Variants in SCMH1 observed in about 807,000 individuals in gnomAD.
SCMH1 encodes Scm polycomb group protein homolog 1, also known as polycomb protein SCMH1.
Under a neutral mutation model 70.8 loss-of-function variants are expected in SCMH1, and 37 were observed. The observed-to-expected ratio is 0.52, with a 90% confidence interval of 0.40 to 0.69. SCMH1 has a LOEUF of 0.69. Among genes scored for constraint, SCMH1 ranks in the 30% least tolerant of loss-of-function variants. SCMH1 has a pLI of 0.00. For missense variants in SCMH1, 607 were observed against 827.3 expected, an observed-to-expected ratio of 0.73 and a Z score of 3.27; for synonymous variants, 292 against 307.4, an observed-to-expected ratio of 0.95 and a Z score of 0.52.
chr1:41,056,500 T>TA (rs1650363957), intron 10 of SCMH1, among the ~76,000 whole-genome samples: 1 of 152,106 alleles, frequency 6.6e-6, no homozygotes, highest in Non-Finnish European at 1.5e-5. Context: ...TGGAGGTTAT[T>TA]AAAAAAATTC....
chr1:41,058,317 C>G (rs758182697), intron 10 of SCMH1, among the ~76,000 whole-genome samples: 2 of 147,196 alleles, frequency 1.4e-5, no homozygotes, highest in Non-Finnish European at 3.0e-5. Context: ...GAGCCACAGA[C>G]ACATCTGTGA....
At chr1:41,125,746 A>G (rs1673037136) in intron 6 of SCMH1, among the ~76,000 whole-genome samples, 1 of 144,664 alleles carries the variant, frequency 6.9e-6, no homozygotes, top group Non-Finnish European at 1.5e-5. Flanking sequence ...GCTCATTTTT[A>G]ATGTTTTCCA....
chr1:41,200,076 A>G (rs1653947355), intron 1 of SCMH1, among the ~76,000 whole-genome samples: 2 of 152,218 alleles, frequency 1.3e-5, no homozygotes, highest in Admixed American at 6.5e-5. Flanking sequence ...GCAAGGAAGG[A>G]ACTAATTGGC....
intron 1 of SCMH1, among the ~76,000 whole-genome samples, chr1:41,225,437 A>G (rs1016538336): frequency 1.3e-5 from 2 of 152,188 alleles, no homozygotes; most frequent in African/African-American, 4.8e-5. Context: ...ATCAACATTT[A>G]TTGAGTATGT....
intron 6 of SCMH1, among the ~76,000 whole-genome samples, chr1:41,136,306 T>C (rs1643306134): frequency 6.6e-6 from 1 of 152,130 alleles, no homozygotes; most frequent in Non-Finnish European, 1.5e-5. Context: ...ACAAATAGTA[T>C]TTCCTACTTC....
intron 6 of SCMH1, among the ~76,000 whole-genome samples, chr1:41,139,523 G>A (rs1289235507): frequency 6.6e-6 from 1 of 152,138 alleles, no homozygotes; most frequent in African/African-American, 2.4e-5. Flanking sequence ...TGGTCACTAT[G>A]TTCCCTGAGA....
At chr1:41,163,088 G>A (rs1646170465) in intron 2 of SCMH1, 1 of 152,268 alleles carries the variant, frequency 6.6e-6, no homozygotes, top group Admixed American at 6.5e-5. Context: ...GGAGCTTCCG[G>A]AGTCAGGGCT....
intron 4 of SCMH1, chr1:41,159,675 A>C: frequency 2.7e-6 from 4 of 1,501,266 alleles, no homozygotes; most frequent in Non-Finnish European, 3.6e-6. Context: ...GGAAAGTTTT[A>C]AAGAATAATA....
intron 1 of SCMH1, among the ~76,000 whole-genome samples, chr1:41,191,985 G>A (rs1651825841): frequency 6.6e-6 from 1 of 152,142 alleles, no homozygotes; most frequent in African/African-American, 2.4e-5. Context: ...GGATATACCA[G>A]CTCTTCAAGT....
chr1:41,198,650 A>G (rs1653599777), intron 1 of SCMH1, among the ~76,000 whole-genome samples: 1 of 152,210 alleles, frequency 6.6e-6, no homozygotes, highest in Non-Finnish European at 1.5e-5. Context: ...ACCCAAGGAA[A>G]AACTGTAAGG....
At chr1:41,230,359 GAGAAA>G (rs1274791888) in intron 1 of SCMH1, among the ~76,000 whole-genome samples, 1 of 152,106 alleles carries the variant, frequency 6.6e-6, no homozygotes, top group Non-Finnish European at 1.5e-5. Context: ...ACTAAAAATG[GAGAAA>G]AGATAATTTA....
chr1:41,066,685 T>C (rs1654708452), intron 10 of SCMH1, among the ~76,000 whole-genome samples: 1 of 152,112 alleles, frequency 6.6e-6, no homozygotes, highest in Admixed American at 6.5e-5. Flanking sequence ...TGGAATCAAG[T>C]GATCCTCCCA....
At chr1:41,136,773 CTTTTTTTTTT>C (rs67410901) in intron 6 of SCMH1, among the ~76,000 whole-genome samples, 1 of 108,452 alleles carries the variant, frequency 9.2e-6, no homozygotes, top group Non-Finnish European at 1.9e-5. Context: ...AAGGACAGTA[CTTTTTTTTTT>C]TTTTTTTTTT....
intron 8 of SCMH1, among the ~76,000 whole-genome samples, chr1:41,078,588 C>A (rs975086623): frequency 7.9e-5 from 12 of 152,104 alleles, no homozygotes; most frequent in African/African-American, 2.7e-4. Flanking sequence ...AGAGTGATAG[C>A]AGGCTCTTTA....
At chr1:41,089,215 C>A (rs994418905) in intron 8 of SCMH1, among the ~76,000 whole-genome samples, 5 of 152,176 alleles carry the variant, frequency 3.3e-5, no homozygotes, top group African/African-American at 1.2e-4. Flanking sequence ...TTCCCTTAAA[C>A]TTCTTGTTTT....
At chr1:41,146,994 T>A (rs1261385822) in intron 5 of SCMH1, among the ~76,000 whole-genome samples, 2 of 152,152 alleles carry the variant, frequency 1.3e-5, no homozygotes, top group Non-Finnish European at 2.9e-5. Flanking sequence ...CCCAAAGTAG[T>A]TGAACCATTC....
chr1:41,090,967 A>T (rs1335595253), intron 8 of SCMH1, among the ~76,000 whole-genome samples: 2 of 150,348 alleles, frequency 1.3e-5, no homozygotes, highest in Non-Finnish European at 2.9e-5. Flanking sequence ...TGAACCTGGG[A>T]GGCGGAGCTT....
At chr1:41,202,186 C>T (rs574280061) in intron 1 of SCMH1, among the ~76,000 whole-genome samples, 67 of 152,178 alleles carry the variant, frequency 4.4e-4, no homozygotes, top group African/African-American at 1.2e-3. Context: ...CAGGTGCCCA[C>T]GACCACGCCC....
chr1:41,217,336 T>C (rs1462625617), intron 1 of SCMH1, among the ~76,000 whole-genome samples: 2 of 152,178 alleles, frequency 1.3e-5, no homozygotes, highest in African/African-American at 4.8e-5. Flanking sequence ...TGTGGAAGTA[T>C]GGCCTGGGTT....
Sources: allele counts gnomAD v4.1 joint callset (sites outside exome capture counted in the v4.1 genomes callset), GRCh38; gene constraint gnomAD v4.1.1; transcripts MANE v1.5; gene names NCBI Gene and HGNC (gene_info 2026-07-23, HGNC 2026-07-21).